The following DLGAP2 variants were observed in gnomAD, a reference collection of about 807,000 sequenced individuals.
DLGAP2 encodes DLG associated protein 2.
Under a neutral mutation model 100.3 loss-of-function variants are expected in DLGAP2, and 26 were observed. The observed-to-expected ratio is 0.26, with a 90% CI of 0.19 to 0.36. The LOEUF (loss-of-function observed/expected upper bound fraction) is 0.36. DLGAP2 is among the 10% of genes least tolerant of loss of function. The probability of loss-of-function intolerance (pLI) is 1.00; values close to 1 mark genes in which losing one functional copy is unlikely to be tolerated. For missense variants in DLGAP2, 1,858 were observed against 1,453.2 expected (o/e 1.28, Z -4.53); for synonymous variants, 886 against 630.1 (o/e 1.41, Z -6.08).
intron 8 of DLGAP2, among the ~76,000 whole-genome samples, chr8:1,662,850 G>A (rs1433210373): frequency 6.6e-6 from 1 of 151,224 alleles, no homozygotes; most frequent in Admixed American, 6.6e-5. Flanking sequence ...ATGTGTGCCT[G>A]TGTGTACACG....
At chr8:1,266,697 A>G (rs1449464536) in intron 3 of DLGAP2, among the ~76,000 whole-genome samples, 1 of 152,116 alleles carries the variant, frequency 6.6e-6, no homozygotes, top group African/African-American at 2.4e-5. Flanking sequence ...AGGCTTTACA[A>G]TAAAAGCATG....
chr8:1,433,621 C>CAACT (rs1554468773), intron 3 of DLGAP2, among the ~76,000 whole-genome samples: 2 of 151,788 alleles, frequency 1.3e-5, no homozygotes, highest in African/African-American at 4.8e-5. Flanking sequence ...CGCAGCTGAC[C>CAACT]GACTTGGAAT....
Position 1,153,240 on chromosome 8 carries a change from C to T in DLGAP2, c.74-105611C>T, listed in dbSNP as rs185347337. On this transcript the variant is annotated intron_variant, in intron 2 of 14. Coordinates refer to ENST00000637795, the MANE Select transcript of DLGAP2 (RefSeq NM_001346810.2). Reference sequence around the variant, plus strand: ...GGTCTGGCCAGAGAATCATCAGTCTCGATCTGAACATGCCCAGATAATTGG... The same window carrying T: ...GGTCTGGCCAGAGAATCATCAGTCTTGATCTGAACATGCCCAGATAATTGG... 4.0e-3 allele frequency among the ~76,000 whole-genome samples: 602 copies of T among 152,192 alleles called. 4 individuals are homozygous for T. Among genetic ancestry groups the T allele is most frequent in the African/African-American group, 0.014 (576 of 41,512 alleles).
chr8:1,691,342 T>C (rs568077986), intron 12 of DLGAP2, among the ~76,000 whole-genome samples, 193 bp from the exon 13 acceptor site: 1 of 152,276 alleles, frequency 6.6e-6, no homozygotes, highest in African/African-American at 2.4e-5. Context: ...CATCTGGTCA[T>C]CTCTGGATTT....
At chr8:1,364,096 A>T (rs746880385) in intron 3 of DLGAP2, among the ~76,000 whole-genome samples, 1 of 152,116 alleles carries the variant, frequency 6.6e-6, no homozygotes, top group East Asian at 1.9e-4. Context: ...CACCTTTGGG[A>T]TAACACAGCT....
intron 3 of DLGAP2, among the ~76,000 whole-genome samples, chr8:1,316,129 G>T (rs370053035): frequency 4.4e-5 from 5 of 114,756 alleles, no homozygotes; most frequent in Non-Finnish European, 9.1e-5. Flanking sequence ...AAAATAGAGC[G>T]TGTGCGAGTG....
At chr8:1,178,336 G>C (rs1797305972) in intron 2 of DLGAP2, among the ~76,000 whole-genome samples, 1 of 152,140 alleles carries the variant, frequency 6.6e-6, no homozygotes, top group East Asian at 1.9e-4. Context: ...AGTGTCTGCT[G>C]GCCGGGGTTG....
At chr8:1,411,579 G>C (rs1342727014) in intron 3 of DLGAP2, among the ~76,000 whole-genome samples, 1 of 152,186 alleles carries the variant, frequency 6.6e-6, no homozygotes, top group African/African-American at 2.4e-5. Context: ...TAACCGAAAT[G>C]CGGAACCTGC....
At chr8:1,196,620 T>A (rs1391547675) in intron 2 of DLGAP2, among the ~76,000 whole-genome samples, 2 of 152,114 alleles carry the variant, frequency 1.3e-5, no homozygotes, top group Non-Finnish European at 2.9e-5. Flanking sequence ...CATCTGCAGG[T>A]CGAGGGGGGT....
At chr8:1,286,281 C>A (rs934843204) in intron 3 of DLGAP2, among the ~76,000 whole-genome samples, 1 of 152,234 alleles carries the variant, frequency 6.6e-6, no homozygotes. Context: ...GCCTCCTCAG[C>A]CATGCAGCTC....
At chr8:936,582 C>G (rs567074434) in intron 2 of DLGAP2, among the ~76,000 whole-genome samples, 1 of 152,166 alleles carries the variant, frequency 6.6e-6, no homozygotes, top group Non-Finnish European at 1.5e-5. Context: ...GATGACAGAA[C>G]ACGACTGAGG....
chr8:911,337 A>C (rs778426680), intron 2 of DLGAP2, among the ~76,000 whole-genome samples: 7 of 150,350 alleles, frequency 4.7e-5, no homozygotes, highest in Non-Finnish European at 8.9e-5. Context: ...GGAAGGACGC[A>C]TGTATAACGT....
In DLGAP2 at chr8:1,156,006, C is replaced by T. The variant is rs549147882; in HGVS notation, c.74-102845C>T. Among the ~76,000 whole-genome samples the T allele has an allele frequency of 1.4e-4, 22 of 152,286 alleles. 1 individual carries two copies. Among genetic ancestry groups the T allele is most frequent in the Non-Finnish European group, 2.6e-4 (18 of 68,010 alleles). ...GTCCCCGTCGCAGAGGGCCTGTGGG[C>T]CGGTGACTTTCTGCAGCTGCTGCTG... On this transcript the variant is annotated intron_variant, in intron 2 of 14. Transcript: ENST00000637795.
intron 3 of DLGAP2, among the ~76,000 whole-genome samples, chr8:1,407,563 C>G (rs1293145270): frequency 1.2e-3 from 155 of 127,036 alleles, no homozygotes; most frequent in African/African-American, 4.3e-3. Context: ...CCTCCTCATC[C>G]TCCAGAGTCG....
At chr8:1,599,968 G>A (rs1235146348) in intron 6 of DLGAP2, among the ~76,000 whole-genome samples, 6 of 152,062 alleles carry the variant, frequency 3.9e-5, no homozygotes, top group South Asian at 2.1e-4. Flanking sequence ...TCATAGTGTC[G>A]ATGGTCTTTA....
intron 2 of DLGAP2, among the ~76,000 whole-genome samples, chr8:1,160,352 C>A (rs1358145501): frequency 6.6e-6 from 1 of 152,172 alleles, no homozygotes; most frequent in African/African-American, 2.4e-5. Context: ...ATCAGCCCCG[C>A]CCCAAACTCG....
intron 2 of DLGAP2, among the ~76,000 whole-genome samples, chr8:973,852 G>C (rs1800091588): frequency 3.1e-5 from 1 of 32,596 alleles, no homozygotes; most frequent in South Asian, 1.1e-3. Flanking sequence ...GGCGGGCGGT[G>C]GCGGCTGCGA....
chr8:1,676,041 A>T (rs1798803797), intron 10 of DLGAP2, among the ~76,000 whole-genome samples: 1 of 152,166 alleles, frequency 6.6e-6, no homozygotes, highest in African/African-American at 2.4e-5. Context: ...CTCTATGGAG[A>T]TGAAGGTGGA....
chr8:1,626,249 G>A (rs868412737), intron 6 of DLGAP2, among the ~76,000 whole-genome samples: 10 of 95,476 alleles, frequency 1.0e-4, no homozygotes, highest in African/African-American at 2.4e-4. Context: ...ACCCTGCAGC[G>A]GGTGCTCACC....
Sources: gnomAD v4.1 joint callset for allele counts (sites outside exome capture counted in the v4.1 genomes callset) on GRCh38, gnomAD v4.1.1 for gene constraint, MANE v1.5 for transcripts, NCBI Gene and HGNC (gene_info 2026-07-23, HGNC 2026-07-21) for gene names.